Variants in TENM2 observed in about 807,000 individuals in gnomAD.
TENM2 encodes teneurin-2.
In TENM2, 52 loss-of-function variants were observed where a neutral mutation model predicts 245.2. The ratio of observed to expected loss-of-function variants is 0.21; its 90% confidence interval spans 0.17 to 0.27. The LOEUF (loss-of-function observed/expected upper bound fraction) is 0.27, where lower values mean the gene tolerates loss of function less well. Ranked by LOEUF, TENM2 falls within the 10% of genes least tolerant of loss-of-function variation. The pLI, the probability that TENM2 is intolerant of heterozygous loss-of-function variation, is 1.00. For missense variants in TENM2, 3,046 were observed against 3,666.8 expected, an observed-to-expected ratio of 0.83 and a Z score of 4.37; for synonymous variants, 1,363 against 1,438.9, an observed-to-expected ratio of 0.95 and a Z score of 1.19.
At chr5:167,741,271 C>T (rs1761157365) in intron 2 of TENM2, among the ~76,000 whole-genome samples, 2 of 152,152 alleles carry the variant, frequency 1.3e-5, no homozygotes, top group Admixed American at 1.3e-4. Context: ...TTTTTTCCAG[C>T]ATCCTTAACT....
chr5:167,235,638 A>G, the TENM2 span, among the ~76,000 whole-genome samples: 1 of 152,130 alleles, frequency 6.6e-6, no homozygotes, highest in East Asian at 1.9e-4. Flanking sequence ...CTCCTTTCTC[A>G]GACCAGCTCT....
chr5:167,949,322 C>T (rs1304909505), intron 3 of TENM2, among the ~76,000 whole-genome samples: 1 of 152,168 alleles, frequency 6.6e-6, no homozygotes, highest in Non-Finnish European at 1.5e-5. Context: ...AGTCAGAAAT[C>T]TGGAACACTA....
At chr5:167,830,800 A>G (rs1015051186) in intron 2 of TENM2, among the ~76,000 whole-genome samples, 1 of 152,242 alleles carries the variant, frequency 6.6e-6, no homozygotes, top group African/African-American at 2.4e-5. Flanking sequence ...ATGGGCCCCA[A>G]CCTCAGTTTC....
intron 12 of TENM2, among the ~76,000 whole-genome samples, chr5:168,158,850 T>TATATATATATATATATACATACACAC (rs1339051385): frequency 3.2e-5 from 2 of 62,326 alleles, no homozygotes; most frequent in African/African-American, 6.1e-5. Context: ...TATATATATA[T>TATATATATATATATATACATACACAC]ACACACACAC....
chr5:167,011,379 C>G, the TENM2 span, among the ~76,000 whole-genome samples: 1 of 152,194 alleles, frequency 6.6e-6, no homozygotes, highest in Non-Finnish European at 1.5e-5. Context: ...GTCATAATCC[C>G]TACAATTCCC....
At chr5:168,080,899 T>C (rs2152193923) in intron 7 of TENM2, among the ~76,000 whole-genome samples, 1 of 152,330 alleles carries the variant, frequency 6.6e-6, no homozygotes, top group East Asian at 1.9e-4. Flanking sequence ...GAGAAGAATG[T>C]ATATTTTGTT....
chr5:167,862,731 C>T (rs1771935871), intron 2 of TENM2, among the ~76,000 whole-genome samples: 1 of 152,180 alleles, frequency 6.6e-6, no homozygotes, highest in South Asian at 2.1e-4. Context: ...TCATTCTGAC[C>T]TTGACGAAGA....
chr5:167,322,821 A>G (rs1387029075), intron 1 of TENM2, among the ~76,000 whole-genome samples: 1 of 152,230 alleles, frequency 6.6e-6, no homozygotes, highest in Non-Finnish European at 1.5e-5. Context: ...ATAGTCTTTA[A>G]AACCCAGCCA....
intron 7 of TENM2, among the ~76,000 whole-genome samples, chr5:168,075,672 C>T (rs1791403373): frequency 6.6e-6 from 1 of 152,304 alleles, no homozygotes; most frequent in Admixed American, 6.5e-5. Context: ...GTGAGATTCA[C>T]CCATGGTGTT....
At chr5:167,301,906 G>T (rs1274127122) in intron 1 of TENM2, among the ~76,000 whole-genome samples, 1 of 152,128 alleles carries the variant, frequency 6.6e-6, no homozygotes, top group Non-Finnish European at 1.5e-5. Context: ...GTGATAAAAG[G>T]ATTATAGGGT....
chr5:167,324,497 A>G (rs1030643740), intron 1 of TENM2, among the ~76,000 whole-genome samples: 2 of 152,118 alleles, frequency 1.3e-5, no homozygotes, highest in Non-Finnish European at 2.9e-5. Context: ...AGATTCTATG[A>G]TGAAAGCTCT....
intron 2 of TENM2, among the ~76,000 whole-genome samples, chr5:167,682,854 T>A (rs1454390526): frequency 1.3e-5 from 2 of 152,186 alleles, no homozygotes; most frequent in Admixed American, 1.3e-4. Context: ...CTTGATAAAA[T>A]GTAATCAGAC....
chr5:167,241,505 A>G, the TENM2 span, among the ~76,000 whole-genome samples: 1 of 152,342 alleles, frequency 6.6e-6, no homozygotes, highest in East Asian at 1.9e-4. Context: ...AGACAGGCAA[A>G]GAGAGAGGAT....
intron 2 of TENM2, among the ~76,000 whole-genome samples, chr5:167,497,531 G>A (rs7448195): frequency 0.98 from 149,341 of 152,090 alleles, 73,388 homozygotes; most frequent in East Asian, 1. Context: ...AACAATCATG[G>A]CCTTCTGTTT....
intron 2 of TENM2, among the ~76,000 whole-genome samples, chr5:167,428,886 T>C (rs1764040629): frequency 6.6e-6 from 1 of 152,200 alleles, no homozygotes; most frequent in Admixed American, 6.5e-5. Flanking sequence ...GTTTTGTTCC[T>C]TTGGGCTTCT....
At chr5:168,157,948 A>G (rs1232067502) in intron 12 of TENM2, among the ~76,000 whole-genome samples, 1 of 152,076 alleles carries the variant, frequency 6.6e-6, no homozygotes, top group African/African-American at 2.4e-5. Context: ...TTTGAGACCG[A>G]GTCTCACTCT....
intron 1 of TENM2, among the ~76,000 whole-genome samples, chr5:167,357,559 C>T (rs193137803): frequency 3.3e-4 from 50 of 152,062 alleles, no homozygotes; most frequent in African/African-American, 1.1e-3. Flanking sequence ...TTTGCCCGGC[C>T]GAGCCATCCT....
At chr5:167,892,537 G>A (rs1294356362) in intron 3 of TENM2, among the ~76,000 whole-genome samples, 1 of 152,170 alleles carries the variant, frequency 6.6e-6, no homozygotes, top group East Asian at 1.9e-4. Flanking sequence ...GAATGGCATG[G>A]CATATGCCAT....
the TENM2 span, among the ~76,000 whole-genome samples, chr5:167,073,892 A>T: frequency 6.6e-6 from 1 of 152,154 alleles, no homozygotes; most frequent in Non-Finnish European, 1.5e-5. Flanking sequence ...TTCTGCTTTT[A>T]TGGTCCCTGA....
Sources: gnomAD v4.1 joint callset for allele counts (sites outside exome capture counted in the v4.1 genomes callset) on GRCh38, gnomAD v4.1.1 for gene constraint, MANE v1.5 for transcripts, NCBI Gene and HGNC (gene_info 2026-07-23, HGNC 2026-07-21) for gene names.